The following FARS2 variants were observed in gnomAD, a reference collection of about 807,000 sequenced individuals.
FARS2 encodes phenylalanine--tRNA ligase, mitochondrial.
A neutral mutation model predicts 46.4 loss-of-function variants in FARS2; 40 were observed. The observed-to-expected ratio is 0.86, with a 90% CI of 0.67 to 1.12. The LOEUF is 1.12. Ranked by LOEUF, FARS2 falls within the 50% of genes most tolerant of loss-of-function variation. The pLI is 0.00. For synonymous variants in FARS2, 234 were observed against 214.9 expected (o/e 1.09, Z -0.78); for missense variants, 513 against 567.9 (o/e 0.90, Z 0.98).
intron 1 of FARS2, among the ~76,000 whole-genome samples, chr6:5,364,955 A>G (rs1388700629): frequency 6.6e-6 from 1 of 152,034 alleles, no homozygotes; most frequent in Non-Finnish European, 1.5e-5. Context: ...AGCCTGAGAC[A>G]GGAGGATCAC....
At chr6:5,277,051 A>G (rs1389293734) in intron 1 of FARS2, among the ~76,000 whole-genome samples, 1 of 152,238 alleles carries the variant, frequency 6.6e-6, no homozygotes, top group Non-Finnish European at 1.5e-5. Flanking sequence ...AGCCTAATTC[A>G]AATAGAAGCT....
intron 1 of FARS2, among the ~76,000 whole-genome samples, chr6:5,330,711 T>C (rs1344569114): frequency 1.3e-5 from 2 of 152,238 alleles, no homozygotes; most frequent in Non-Finnish European, 2.9e-5. Context: ...TTCACTCTTC[T>C]CTAATGGGGT....
chr6:5,494,986 T>G (rs1767365792), intron 4 of FARS2, among the ~76,000 whole-genome samples: 1 of 152,212 alleles, frequency 6.6e-6, no homozygotes, highest in Non-Finnish European at 1.5e-5. Flanking sequence ...CAGGGGTAAT[T>G]GCTCTTCTCT....
chr6:5,301,802 T>TACACATAC (rs1768326977), intron 1 of FARS2, among the ~76,000 whole-genome samples: 1 of 132,336 alleles, frequency 7.6e-6, no homozygotes, highest in South Asian at 2.5e-4. Context: ...CACACACACA[T>TACACATAC]ACACACACAC....
the FARS2 span, among the ~76,000 whole-genome samples, chr6:5,253,474 T>C: frequency 2.6e-5 from 4 of 152,144 alleles, no homozygotes; most frequent in South Asian, 2.1e-4. Context: ...TTTTACACTA[T>C]GGAAATAATG....
At chr6:5,732,249 CAG>C (rs914905558) in intron 6 of FARS2, among the ~76,000 whole-genome samples, 2 of 152,148 alleles carry the variant, frequency 1.3e-5, no homozygotes, top group African/African-American at 4.8e-5. Context: ...TAGCAGGAAA[CAG>C]GAGTATCATG....
intron 6 of FARS2, among the ~76,000 whole-genome samples, chr6:5,632,144 T>C (rs1200214634): frequency 6.6e-6 from 1 of 152,212 alleles, no homozygotes; most frequent in African/African-American, 2.4e-5. Context: ...TCAGAAACTG[T>C]ATCTGTTAAA....
chr6:5,380,909 T>C lies in FARS2; in HGVS notation c.612+11727T>C, dbSNP rs1759717198. On this transcript the variant is annotated intron_variant, in intron 2 of 6. Transcript: ENST00000274680. ...TACAATGTTAGTCTTTAGCTGTATATTTTAGTTTTTATAGAAACTTTATAT... is the reference window on the plus strand; with the variant it reads ...TACAATGTTAGTCTTTAGCTGTATACTTTAGTTTTTATAGAAACTTTATAT... Among the ~76,000 whole-genome samples, 3 of 152,040 alleles carry C rather than the reference T, an allele frequency of 2.0e-5. No individual in the cohort carries two copies. The South Asian group carries it at 6.2e-4, about 31-fold the overall frequency.
At chr6:5,607,192 C>T (rs1774885460) in intron 5 of FARS2, among the ~76,000 whole-genome samples, 1 of 151,860 alleles carries the variant, frequency 6.6e-6, no homozygotes, top group Non-Finnish European at 1.5e-5. Context: ...AGGAGGGCTG[C>T]TAGGGAAAAT....
chr6:5,612,964 A>G (rs1379100021), intron 5 of FARS2, among the ~76,000 whole-genome samples: 1 of 152,228 alleles, frequency 6.6e-6, no homozygotes, highest in South Asian at 2.1e-4. Flanking sequence ...CATGAATGTG[A>G]TAAGAATCTG....
At chr6:5,579,536 A>C (rs1342091984) in intron 5 of FARS2, among the ~76,000 whole-genome samples, 1 of 152,198 alleles carries the variant, frequency 6.6e-6, no homozygotes, top group South Asian at 2.1e-4. Flanking sequence ...AGCCTCCCAA[A>C]GTGCTGGGAT....
rs114293790 is a variant in FARS2, at chr6:5,711,594, G to A, written c.1218-59697G>A. ...GATGAGAATGGTACTCAACCTCTGCGATCTTCCACAAAAAAGAATCCCATA... is the reference window on the plus strand; with the variant it reads ...GATGAGAATGGTACTCAACCTCTGCAATCTTCCACAAAAAAGAATCCCATA... On this transcript the variant is annotated intron_variant, in intron 6 of 6. Coordinates refer to ENST00000274680, the MANE Select transcript of FARS2 (RefSeq NM_006567.5). Among the ~76,000 whole-genome samples the A allele has an allele frequency of 1.9e-3, 292 of 152,038 alleles. 2 individuals are homozygous for A. The highest frequency in any genetic ancestry group is 6.8e-3 in the African/African-American group (281 of 41,394).
intron 5 of FARS2, among the ~76,000 whole-genome samples, chr6:5,579,633 C>G (rs1773210937): frequency 6.6e-6 from 1 of 152,094 alleles, no homozygotes; most frequent in African/African-American, 2.4e-5. Flanking sequence ...TTATTTTTCC[C>G]CCAAACCAAT....
At chr6:5,500,644 G>A (rs1454192460) in intron 4 of FARS2, among the ~76,000 whole-genome samples, 1 of 152,148 alleles carries the variant, frequency 6.6e-6, no homozygotes, top group Non-Finnish European at 1.5e-5. Flanking sequence ...GTTAAGGCAC[G>A]GACTCTGGAG....
chr6:5,562,728 AGT>A (rs1312851469), intron 5 of FARS2, among the ~76,000 whole-genome samples: 83 of 142,162 alleles, frequency 5.8e-4, no homozygotes, highest in African/African-American at 2.2e-3. Flanking sequence ...ACACACACAC[AGT>A]GTTTTTCATT....
At chr6:5,267,578 G>A (rs999495639) in intron 1 of FARS2, among the ~76,000 whole-genome samples, 17 of 151,908 alleles carry the variant, frequency 1.1e-4, no homozygotes, top group African/African-American at 2.7e-4. Flanking sequence ...GTGAAAACCC[G>A]TCTCTACTAA....
At chr6:5,642,935 G>A (rs569428724) in intron 6 of FARS2, among the ~76,000 whole-genome samples, 2 of 152,332 alleles carry the variant, frequency 1.3e-5, no homozygotes, top group South Asian at 2.1e-4. Flanking sequence ...GCCTTGAAGC[G>A]TGTTCACGCT....
At chr6:5,261,084 G>A (rs1018132453), upstream of FARS2, 1 of 397,494 alleles carries the variant, frequency 2.5e-6, no homozygotes, top group South Asian at 7.9e-5. Context: ...CTGGCCGCCC[G>A]TGCATCCAGC....
At chr6:5,580,716 C>T (rs1490918456) in intron 5 of FARS2, among the ~76,000 whole-genome samples, 1 of 152,174 alleles carries the variant, frequency 6.6e-6, no homozygotes, top group African/African-American at 2.4e-5. Context: ...GATCGTCATG[C>T]TCTGGACGCC....
Sources: allele counts gnomAD v4.1 joint callset (sites outside exome capture counted in the v4.1 genomes callset), GRCh38; gene constraint gnomAD v4.1.1; transcripts MANE v1.5; gene names NCBI Gene and HGNC (gene_info 2026-07-23, HGNC 2026-07-21).